TTC39B: variants seen among roughly 807,000 people sequenced by gnomAD.
TTC39B encodes the protein tetratricopeptide repeat protein 39B.
Under a neutral mutation model 96.6 loss-of-function variants are expected in TTC39B, and 92 were observed. The ratio of observed to expected loss-of-function variants is 0.95; its 90% confidence interval spans 0.80 to 1.13. TTC39B has a LOEUF of 1.13. TTC39B is among the 50% of genes most tolerant of loss of function. The pLI, the probability that TTC39B is intolerant of heterozygous loss-of-function variation, is 0.00. For synonymous variants in TTC39B, 367 were observed against 299.4 expected, an observed-to-expected ratio of 1.23 and a Z score of -2.33; for missense variants, 955 against 809.3, an observed-to-expected ratio of 1.18 and a Z score of -2.18.
chr9:15,215,538 C>A (rs891392338), intron 3 of TTC39B, among the ~76,000 whole-genome samples: 1 of 151,470 alleles, frequency 6.6e-6, no homozygotes, highest in Non-Finnish European at 1.5e-5. Flanking sequence ...GCCTGGGCGA[C>A]AAGAGTGAAA....
Position 15,306,993 on chromosome 9 carries a change from G to T in TTC39B, c.240+91C>A. On this transcript the variant is annotated intron_variant, in intron 1 of 19. Transcript: ENST00000512701. This position sits in a 1 kb window ranked among gnomAD's most constrained non-coding sequence, Gnocchi z 5.1. ...CCAGAGAGGGGACCAAGGGGGCGGG[G>T]CCTCGGCCGTCCTAGCCGGGCTCAC... 1 of 1,534,316 alleles carries T rather than the reference G, an allele frequency of 6.5e-7. No individual in the cohort carries two copies. The highest frequency in any genetic ancestry group is 8.8e-7 in the Non-Finnish European group (1 of 1,137,508).
chr9:15,179,248 A>G (rs1346136781), intron 17 of TTC39B, among the ~76,000 whole-genome samples: 1 of 152,204 alleles, frequency 6.6e-6, no homozygotes, highest in African/African-American at 2.4e-5. Context: ...CAATTTACAC[A>G]TTTCAGGCTG....
At chr9:15,185,324 A>G in exon 16 of TTC39B, 4 of 1,613,888 alleles carry the variant, frequency 2.5e-6, no homozygotes, top group Non-Finnish European at 3.4e-6. Flanking sequence ...AAGGAGGCGG[A>G]GTAACGCCGA....
At chr9:15,173,582 G>C (rs927487964) in intron 19 of TTC39B, among the ~76,000 whole-genome samples, 1 of 152,110 alleles carries the variant, frequency 6.6e-6, no homozygotes, top group Non-Finnish European at 1.5e-5. Flanking sequence ...TTTCCTAGAT[G>C]TCTTCCTAAC....
rs574236919 is a variant in TTC39B, at chr9:15,175,826, C to A, written c.1842-691G>T. 8.5e-5 allele frequency among the ~76,000 whole-genome samples: 13 copies of A among 152,240 alleles called. No homozygotes were observed. In the South Asian group the frequency reaches 2.5e-3, roughly 29 times the overall value. The stretch of plus-strand genomic sequence containing the variant: ...CCTAATATCCATGCAGGAGATGAGG[C>A]CTTGGGCCCACAGAAAGCAGGGAGC... On this transcript the variant is annotated intron_variant, in intron 18 of 19. Transcript: ENST00000512701.
chr9:15,218,107 T>C (rs1820624234), intron 3 of TTC39B, among the ~76,000 whole-genome samples: 1 of 148,952 alleles, frequency 6.7e-6, no homozygotes, highest in Non-Finnish European at 1.5e-5. Flanking sequence ...ACTGCGGAGG[T>C]TGCAGTGAGC....
chr9:15,302,299 T>A (rs998180311), intron 1 of TTC39B, among the ~76,000 whole-genome samples: 2 of 143,478 alleles, frequency 1.4e-5, no homozygotes, highest in Non-Finnish European at 3.0e-5. Context: ...GCACTCCAGC[T>A]TGGGTGACCA....
chr9:15,257,973 T>C (rs1232628796), intron 2 of TTC39B, among the ~76,000 whole-genome samples: 1 of 151,996 alleles, frequency 6.6e-6, no homozygotes, highest in Non-Finnish European at 1.5e-5. Flanking sequence ...GGCAGGAGAA[T>C]CGCTTGAACC....
rs557212839 is a variant in TTC39B, at chr9:15,272,113, T to C, written c.241-4165A>G. 5.6e-3 allele frequency among the ~76,000 whole-genome samples: 857 copies of C among 152,274 alleles called. 7 individuals are homozygous for C. The highest frequency in any genetic ancestry group is 0.023 in the South Asian group (110 of 4,820). On this transcript the variant is annotated intron_variant, in intron 1 of 19. Coordinates refer to ENST00000512701, the Ensembl canonical transcript of TTC39B. ...GTCTGTCTTGGTCCCCACACTCAGT[T>C]CAAATTCTATCCCTTTTCTGCTGCT...
intron 16 of TTC39B, among the ~76,000 whole-genome samples, chr9:15,183,961 G>T (rs1429741723): frequency 1.3e-5 from 2 of 152,120 alleles, no homozygotes; most frequent in Non-Finnish European, 2.9e-5. Flanking sequence ...GGTGCTAGGC[G>T]CAGGCTAACT....
At position 15,218,918 on chromosome 9, in the gene TTC39B, C is replaced by CT. The variant is rs562401301; in HGVS notation, c.372-4670dup. ...AGCCTCCCAAGGCCATTTTCTATTA[C>CT]TTTTCTGGAGGTTTTGTCTCTTTCC... On this transcript the variant is annotated intron_variant, in intron 3 of 19. Coordinates refer to ENST00000512701, the Ensembl canonical transcript of TTC39B. Among the ~76,000 whole-genome samples, 227 of 152,110 alleles carry CT rather than the reference C, an allele frequency of 1.5e-3. 2 individuals are homozygous for CT. The highest frequency in any genetic ancestry group is 5.3e-3 in the African/African-American group (219 of 41,460).
intron 2 of TTC39B, among the ~76,000 whole-genome samples, chr9:15,252,342 A>C (rs1822591833): frequency 6.6e-6 from 1 of 152,208 alleles, no homozygotes; most frequent in African/African-American, 2.4e-5. Context: ...ATTACAACAT[A>C]TCCTTTAAGA....
intron 2 of TTC39B, among the ~76,000 whole-genome samples, chr9:15,252,358 CA>C (rs1366841013): frequency 2.6e-5 from 4 of 152,066 alleles, no homozygotes; most frequent in Non-Finnish European, 5.9e-5. Context: ...TAAGAAATTA[CA>C]AAAGGTGGGC....
intron 3 of TTC39B, among the ~76,000 whole-genome samples, chr9:15,216,606 A>G (rs1249666529): frequency 1.3e-5 from 2 of 152,302 alleles, no homozygotes; most frequent in East Asian, 3.9e-4. Context: ...CATCTCTTGA[A>G]TTTATCCTGT....
In TTC39B at chr9:15,219,591, C is replaced by G. The variant is rs144629253; in HGVS notation, c.372-5342G>C. The stretch of plus-strand genomic sequence containing the variant: ...ATCCAAGAGGTGCCCTCCCTGTACC[C>G]TGAGGAAAGGAACATCCTTATCTCC... On this transcript the variant is annotated intron_variant, in intron 3 of 19. Transcript: ENST00000512701. 8.3e-3 allele frequency among the ~76,000 whole-genome samples: 1,266 copies of G among 152,312 alleles called. 18 individuals carry two copies. Among genetic ancestry groups the G allele is most frequent in the African/African-American group, 0.028 (1,176 of 41,558 alleles).
At chr9:15,234,525 G>C (rs1225477599) in intron 2 of TTC39B, among the ~76,000 whole-genome samples, 1 of 152,010 alleles carries the variant, frequency 6.6e-6, no homozygotes, top group African/African-American at 2.4e-5. Context: ...CCGTCTGGGA[G>C]GTGTACCCAA....
In TTC39B at chr9:15,185,936, C is replaced by T. The variant is rs146922794; in HGVS notation, c.1488-530G>A. 9.9e-3 allele frequency among the ~76,000 whole-genome samples: 1,505 copies of T among 152,268 alleles called. 22 individuals are homozygous for T. Among genetic ancestry groups the T allele is most frequent in the African/African-American group, 0.034 (1,431 of 41,544 alleles). On this transcript the variant is annotated intron_variant, in intron 15 of 19. Coordinates refer to ENST00000512701, the Ensembl canonical transcript of TTC39B. ...AATTTAAGAAAATGTTTCCCAAGCA[C>T]AGGTTGTTTGGGAAATAATCAGCTT...
At chr9:15,267,057 CG>C (rs560627824) in intron 2 of TTC39B, among the ~76,000 whole-genome samples, 118 of 152,210 alleles carry the variant, frequency 7.8e-4, no homozygotes, top group African/African-American at 2.7e-3. Context: ...CCAACCTGGG[CG>C]ACAGAGCGAG....
In TTC39B at chr9:15,284,960, T is replaced by C. The variant is rs140172760; in HGVS notation, c.241-17012A>G. On this transcript the variant is annotated intron_variant, in intron 1 of 19. Coordinates refer to ENST00000512701, the Ensembl canonical transcript of TTC39B. The stretch of plus-strand genomic sequence containing the variant: ...AAGACAACATTTCAGCTAAATTTGT[T>C]TTATAACTAAGATCCTTTCGGCCGA... 8.4e-3 allele frequency among the ~76,000 whole-genome samples: 1,279 copies of C among 152,264 alleles called. 9 individuals carry two copies. Among genetic ancestry groups the C allele is most frequent in the Non-Finnish European group, 0.014 (947 of 68,014 alleles).
Sources: gnomAD v4.1 joint callset for allele counts (sites outside exome capture counted in the v4.1 genomes callset) on GRCh38, gnomAD v4.1.1 for gene constraint, Gnocchi (gnomAD v3.1) non-coding constraint, MANE v1.5 for transcripts, NCBI Gene and HGNC (gene_info 2026-07-23, HGNC 2026-07-21) for gene names.